Variants in CASR observed in about 807,000 individuals in gnomAD.
CASR encodes the protein extracellular calcium-sensing receptor.
A neutral mutation model predicts 69.1 loss-of-function variants in CASR; 23 were observed. The ratio of observed to expected loss-of-function variants is 0.33; its 90% CI spans 0.24 to 0.47. CASR has a LOEUF of 0.47. CASR is among the 20% of genes least tolerant of loss of function. The probability of loss-of-function intolerance (pLI) is 1.00; values close to 1 mark genes in which losing one functional copy is unlikely to be tolerated. For synonymous variants in CASR, 541 were observed against 544.7 expected (o/e 0.99, Z 0.10); for missense variants, 924 against 1,356.1 (o/e 0.68, Z 5.00).
chr3:122,221,893 C>T (rs932643306), intron 1 of CASR, among the ~76,000 whole-genome samples: 24 of 152,136 alleles, frequency 1.6e-4, no homozygotes, highest in Non-Finnish European at 4.4e-5. Context: ...TATTGCTCAC[C>T]TCCCTCTTAT....
intron 1 of CASR, chr3:122,246,409 A>G (rs2074428156): frequency 6.6e-6 from 1 of 152,234 alleles, no homozygotes; most frequent in East Asian, 1.9e-4. Context: ...ACGTAATGTT[A>G]GAACACTAAA....
chr3:122,231,110 A>G (rs868315665), intron 1 of CASR, among the ~76,000 whole-genome samples: 2 of 152,126 alleles, frequency 1.3e-5, no homozygotes, highest in African/African-American at 4.8e-5. Flanking sequence ...CATGATCATG[A>G]TCCCCTTGTA....
chr3:122,261,119 A>T (rs1324967895), intron 3 of CASR, among the ~76,000 whole-genome samples: 1 of 152,250 alleles, frequency 6.6e-6, no homozygotes, highest in Non-Finnish European at 1.5e-5. Context: ...GAGCCCAACA[A>T]GCCAAAGTTG....
intron 4 of CASR, among the ~76,000 whole-genome samples, chr3:122,267,194 A>G (rs961618723): frequency 6.6e-6 from 1 of 152,264 alleles, no homozygotes; most frequent in Non-Finnish European, 1.5e-5. Context: ...GATATTATGC[A>G]GAAAATAAAA....
At chr3:122,248,450 G>A (rs4678065) in intron 1 of CASR, among the ~76,000 whole-genome samples, 127,249 of 152,120 alleles carry the variant, frequency 0.84, 53,657 homozygotes, top group Admixed American at 0.89. Context: ...AGTGGCTTCA[G>A]ACCCTACTGT....
At position 122,287,287 on chromosome 3, in the gene CASR, T is replaced by C. The variant is rs6438719; in HGVS notation, c.*2096T>C. On this transcript the variant is annotated 3_prime_UTR_variant, in exon 7 of 7. Coordinates refer to ENST00000639785, the MANE Select transcript of CASR (RefSeq NM_000388.4). ...AAAACATAGGTTTACAGTGAGCTTT[T>C]ATTTCACCAAGTGCTTGCAAATAAG... 0.92 allele frequency: 140,040 copies of C among 152,238 alleles called. 64,716 individuals are homozygous for C. Among genetic ancestry groups the C allele is most frequent in the East Asian group, 0.98 (5,077 of 5,176 alleles). The allele number at this position is 152,238 out of a possible 1,614,324, so 9.4% of individuals were successfully genotyped here.
intron 1 of CASR, among the ~76,000 whole-genome samples, chr3:122,218,389 C>A (rs1025083731): frequency 1.3e-4 from 20 of 151,996 alleles, no homozygotes; most frequent in Non-Finnish European, 2.6e-4. Context: ...AAAAAATTAG[C>A]CAGGCGGTGT....
intron 1 of CASR, among the ~76,000 whole-genome samples, chr3:122,203,696 A>G (rs2073979370): frequency 6.6e-6 from 1 of 152,230 alleles, no homozygotes; most frequent in African/African-American, 2.4e-5. Flanking sequence ...ACTGTGCACT[A>G]CTGTAGACTT....
chr3:122,256,058 T>C (rs1234545024), intron 2 of CASR, among the ~76,000 whole-genome samples: 4 of 152,224 alleles, frequency 2.6e-5, no homozygotes, highest in Admixed American at 6.5e-5. Flanking sequence ...ATTTAAAATG[T>C]TCTTCTTTGA....
intron 1 of CASR, chr3:122,247,461 G>A (rs750259402): frequency 6.6e-6 from 1 of 152,174 alleles, no homozygotes; most frequent in African/African-American, 2.4e-5. Flanking sequence ...ATAAAAACAT[G>A]AGTTGCATAT....
At chr3:122,281,733 T>C (rs1269079612) in intron 5 of CASR, among the ~76,000 whole-genome samples, 1 of 152,234 alleles carries the variant, frequency 6.6e-6, no homozygotes, top group Non-Finnish European at 1.5e-5. Context: ...ACCATGGTCA[T>C]GATGCATTTT....
At chr3:122,210,531 G>A (rs2074054201) in intron 1 of CASR, among the ~76,000 whole-genome samples, 1 of 152,092 alleles carries the variant, frequency 6.6e-6, no homozygotes, top group South Asian at 2.1e-4. Context: ...TAGCTAACAA[G>A]GGAAGTGAAG....
chr3:122,190,212 C>T (rs2073826296), intron 1 of CASR, among the ~76,000 whole-genome samples: 1 of 152,162 alleles, frequency 6.6e-6, no homozygotes, highest in Non-Finnish European at 1.5e-5. Context: ...CATCCCAGTG[C>T]CCCAAGCCCC....
intron 1 of CASR, among the ~76,000 whole-genome samples, chr3:122,226,085 TG>T (rs1050653145): frequency 5.9e-5 from 9 of 151,458 alleles, no homozygotes; most frequent in African/African-American, 9.7e-5. Flanking sequence ...ACGGGGAAGA[TG>T]GGGGGGTAGT....
chr3:122,281,238 GTC>G (rs1264337917), intron 5 of CASR, among the ~76,000 whole-genome samples: 1 of 152,224 alleles, frequency 6.6e-6, no homozygotes, highest in Admixed American at 6.5e-5. Flanking sequence ...AACACTGGTA[GTC>G]TATGGCATTT....
chr3:122,222,022 A>T (rs935008395), intron 1 of CASR, among the ~76,000 whole-genome samples: 2 of 152,218 alleles, frequency 1.3e-5, no homozygotes, highest in African/African-American at 4.8e-5. Context: ...TAGCATATTG[A>T]CTATAATTCT....
chr3:122,256,193 G>A (rs991392962), intron 2 of CASR, among the ~76,000 whole-genome samples: 1 of 152,136 alleles, frequency 6.6e-6, no homozygotes, highest in East Asian at 1.9e-4. Context: ...TCTGTGTATG[G>A]CCTTCATAGG....
chr3:122,251,514 A>C (rs1328062838), intron 1 of CASR, among the ~76,000 whole-genome samples: 2 of 152,238 alleles, frequency 1.3e-5, no homozygotes, highest in Non-Finnish European at 2.9e-5. Context: ...CCGAAGGCCT[A>C]CAGTTCACCC....
intron 1 of CASR, among the ~76,000 whole-genome samples, chr3:122,244,684 A>G (rs1456600897): frequency 6.6e-6 from 1 of 152,074 alleles, no homozygotes; most frequent in Non-Finnish European, 1.5e-5. Flanking sequence ...TGGTTACATG[A>G]ATGTTTACAT....
Sources: allele counts gnomAD v4.1 joint callset (sites outside exome capture counted in the v4.1 genomes callset), GRCh38; gene constraint gnomAD v4.1.1; transcripts MANE v1.5; gene names NCBI Gene and HGNC (gene_info 2026-07-23, HGNC 2026-07-21).